PCCA: variants seen among roughly 807,000 people sequenced by gnomAD.
The protein encoded by PCCA is propionyl-CoA carboxylase subunit alpha.
PCCA carries 74 observed loss-of-function variants against 101.3 expected under a neutral mutation model. The observed-to-expected ratio is 0.73, with a 90% CI of 0.61 to 0.89. PCCA has a LOEUF of 0.89. Among genes scored for constraint, PCCA ranks in the 40% least tolerant of loss-of-function variants. The pLI is 0.00. For missense variants in PCCA, 891 were observed against 907.0 expected (o/e 0.98, Z 0.23); for synonymous variants, 294 against 313.6 (o/e 0.94, Z 0.66).
chr13:100,369,184 G>C (rs984046692), intron 19 of PCCA, among the ~76,000 whole-genome samples: 1 of 152,132 alleles, frequency 6.6e-6, no homozygotes, highest in Non-Finnish European at 1.5e-5. Context: ...ATTAAGAGTT[G>C]CTGTTTTAAG....
chr13:100,227,774 A>G (rs1367398361), intron 7 of PCCA, among the ~76,000 whole-genome samples: 1 of 152,176 alleles, frequency 6.6e-6, no homozygotes, highest in East Asian at 1.9e-4. Flanking sequence ...GAAGAATAGA[A>G]TAAAATGATA....
chr13:100,292,840 C>G (rs1466012176), intron 12 of PCCA, among the ~76,000 whole-genome samples: 1 of 151,748 alleles, frequency 6.6e-6, no homozygotes, highest in African/African-American at 2.4e-5. Context: ...TGAAATCTTC[C>G]AAAAATGAAG....
intron 6 of PCCA, among the ~76,000 whole-genome samples, chr13:100,188,334 A>AAACAAAAAC (rs1555372004): frequency 0.045 from 5,611 of 123,778 alleles, 151 homozygotes; most frequent in Admixed American, 0.07. Context: ...CAAAAACACA[A>AAACAAAAAC]AGAAAGAAAG....
chr13:100,301,740 G>GA (rs2066079260), intron 13 of PCCA, 137 bp downstream of exon 13: 5 of 1,029,030 alleles, frequency 4.9e-6, no homozygotes, highest in Admixed American at 1.8e-5. Context: ...AATTAAATCA[G>GA]AAAAAAATTA....
At chr13:100,372,117 G>A (rs1201903333) in intron 19 of PCCA, among the ~76,000 whole-genome samples, 1 of 152,198 alleles carries the variant, frequency 6.6e-6, no homozygotes, top group East Asian at 1.9e-4. Context: ...GGCCAAGGCA[G>A]GTGGATCACT....
intron 6 of PCCA, among the ~76,000 whole-genome samples, chr13:100,168,468 T>C (rs1035761797): frequency 2.0e-5 from 3 of 152,220 alleles, no homozygotes; most frequent in African/African-American, 7.2e-5. Flanking sequence ...TTTTGGCCTT[T>C]TTTGAACAGT....
chr13:100,413,161 T>C (rs1169593396), intron 19 of PCCA, among the ~76,000 whole-genome samples: 1 of 152,122 alleles, frequency 6.6e-6, no homozygotes, highest in Non-Finnish European at 1.5e-5. Flanking sequence ...CTAGGGGAAA[T>C]TCTGAGTGTC....
At chr13:100,364,770 G>A (rs2074998299) in intron 18 of PCCA, among the ~76,000 whole-genome samples, 1 of 152,146 alleles carries the variant, frequency 6.6e-6, no homozygotes, top group Admixed American at 6.5e-5. Context: ...GTTAGAAAAA[G>A]GCTGGGTACT....
chr13:100,339,966 A>G (rs896055157), intron 17 of PCCA, among the ~76,000 whole-genome samples, 191 bp from the exon 18 acceptor site: 14 of 152,196 alleles, frequency 9.2e-5, no homozygotes, highest in African/African-American at 3.4e-4. Flanking sequence ...TCCCGTGAGC[A>G]GGATTTTGTT....
rs1388954072 is a variant in PCCA at position 100,257,540 on chromosome 13, C to CA, written c.638-54dup. 4.5e-5 allele frequency: 53 copies of CA among 1,189,982 alleles called. No individual in the cohort carries two copies. The African/African-American group carries it at 7.6e-4, about 17-fold the overall frequency. 73.7% of individuals were successfully genotyped at this position (1,189,982 alleles called of 1,614,324 possible). ...TGAACATGTGGTCAATTGTCATGTT[C>CA]ATACATCCCAATGATCAAAGTCTGA... On this transcript the variant is annotated intron_variant, in intron 8 of 23. Transcript: ENST00000376285.
chr13:100,500,298 C>T (rs1293968717), intron 21 of PCCA, among the ~76,000 whole-genome samples: 3 of 149,810 alleles, frequency 2.0e-5, no homozygotes, highest in Non-Finnish European at 3.0e-5. Flanking sequence ...GGTGGTCTGG[C>T]GCTTATATTT....
At chr13:100,521,897 C>T (rs772964203) in intron 22 of PCCA, among the ~76,000 whole-genome samples, 3 of 152,174 alleles carry the variant, frequency 2.0e-5, no homozygotes, top group Non-Finnish European at 2.9e-5. Flanking sequence ...GCCCTCCGAG[C>T]CTTCTGTCTA....
At chr13:100,496,804 A>G (rs936590334) in intron 21 of PCCA, among the ~76,000 whole-genome samples, 2 of 152,308 alleles carry the variant, frequency 1.3e-5, no homozygotes, top group East Asian at 3.9e-4. Flanking sequence ...TGACACCTCA[A>G]CTGTGACTTA....
At position 100,155,659 on chromosome 13, in the gene PCCA, A is replaced by G. The variant is rs572320624; in HGVS notation, c.414+567A>G. Among the ~76,000 whole-genome samples, 339 of 152,290 alleles carry G rather than the reference A, an allele frequency of 2.2e-3. 1 individual carries two copies. The highest frequency in any genetic ancestry group is 7.7e-3 in the African/African-American group (322 of 41,560). On this transcript the variant is annotated intron_variant, in intron 5 of 23. Coordinates refer to ENST00000376285, the MANE Select transcript of PCCA (RefSeq NM_000282.4). ...AAAAAAATGATTTCTGATATCAGAA[A>G]CAGTGTTTTTTCTTCTATTTTCTTT...
chr13:100,515,495 G>T lies in PCCA; in HGVS notation c.1968G>T (p.Glu656Asp), dbSNP rs891469566. 4.3e-6 allele frequency: 7 copies of T among 1,614,006 alleles called. No individual in the cohort carries two copies. Among genetic ancestry groups the T allele is most frequent in the Admixed American group, 1.7e-5 (1 of 60,004 alleles). ...LNKFMLEKVT[E>D]DTSSVLRSPM... ...AATTTATGCTGGAAAAAGTGACTGA[G>T]GACACAAGCAGTGTTCTGCGTTCCC... Residue 656 changes from glutamate to aspartate, a missense_variant, in exon 22 of 24, where the codon GAG becomes GAT. Transcript: ENST00000376285.
At chr13:100,223,160 C>CT (rs112926284) in intron 7 of PCCA, among the ~76,000 whole-genome samples, 164 of 143,370 alleles carry the variant, frequency 1.1e-3, no homozygotes, top group Middle Eastern at 0.011. Flanking sequence ...GGGATCACAG[C>CT]TTTTTTTTTT....
intron 19 of PCCA, among the ~76,000 whole-genome samples, chr13:100,370,553 A>G (rs2075513922): frequency 1.3e-5 from 2 of 152,202 alleles, no homozygotes; most frequent in African/African-American, 4.8e-5. Context: ...CTTCCCTGGA[A>G]AATATCCACC....
chr13:100,259,453 G>C (rs555331442), intron 9 of PCCA, among the ~76,000 whole-genome samples: 4 of 147,566 alleles, frequency 2.7e-5, no homozygotes, highest in African/African-American at 1.0e-4. Flanking sequence ...TCCTGCCTCA[G>C]CCTCCCGAGT....
At chr13:100,114,304 G>A (rs746599422) in intron 4 of PCCA, among the ~76,000 whole-genome samples, 3 of 152,166 alleles carry the variant, frequency 2.0e-5, no homozygotes, top group Admixed American at 6.5e-5. Context: ...ATGGCCAGGT[G>A]TGGTGGTTCA....
Sources: gnomAD v4.1 joint callset for allele counts (sites outside exome capture counted in the v4.1 genomes callset) on GRCh38, gnomAD v4.1.1 for gene constraint, MANE v1.5 for transcripts, NCBI Gene and HGNC (gene_info 2026-07-23, HGNC 2026-07-21) for gene names.